Variants in IFT74 observed in about 807,000 individuals in gnomAD.
The protein encoded by IFT74 is intraflagellar transport 74.
IFT74 carries 92 observed loss-of-function variants against 96.7 expected under a neutral mutation model. The observed-to-expected ratio is 0.95, with a 90% confidence interval of 0.80 to 1.13. The LOEUF (loss-of-function observed/expected upper bound fraction) is 1.13, where lower values mean the gene tolerates loss of function less well. Ranked by LOEUF, IFT74 falls within the 50% of genes most tolerant of loss-of-function variation. The probability of loss-of-function intolerance (pLI) is 0.00; values close to 1 mark genes in which losing one functional copy is unlikely to be tolerated. For missense variants in IFT74, 811 were observed against 698.2 expected, an observed-to-expected ratio of 1.16 and a Z score of -1.82; for synonymous variants, 223 against 213.2, an observed-to-expected ratio of 1.05 and a Z score of -0.40.
intron 19 of IFT74, among the ~76,000 whole-genome samples, chr9:27,061,325 A>G (rs1226461004): frequency 6.6e-6 from 1 of 152,242 alleles, no homozygotes; most frequent in Non-Finnish European, 1.5e-5. Context: ...TGTAAGTTAC[A>G]AACTGGACAA....
At chr9:26,960,814 G>A (rs1376958490) in intron 1 of IFT74, among the ~76,000 whole-genome samples, 1 of 151,886 alleles carries the variant, frequency 6.6e-6, no homozygotes, top group Non-Finnish European at 1.5e-5. Context: ...TCCATGTCTC[G>A]CCATGGCTAT....
chr9:27,003,931 G>A (rs1394410355), intron 8 of IFT74, among the ~76,000 whole-genome samples: 3 of 151,264 alleles, frequency 2.0e-5, no homozygotes, highest in Non-Finnish European at 4.5e-5. Flanking sequence ...TCAATGGCTT[G>A]TTTCAGTATT....
intron 16 of IFT74, among the ~76,000 whole-genome samples, chr9:27,054,456 C>T (rs996518956): frequency 1.3e-5 from 2 of 152,140 alleles, no homozygotes; most frequent in African/African-American, 4.8e-5. Flanking sequence ...CCTGCTTCTA[C>T]CTCTAAAATA....
intron 15 of IFT74, among the ~76,000 whole-genome samples, chr9:27,047,932 GA>G (rs199825220): frequency 6.0e-5 from 9 of 151,180 alleles, no homozygotes; most frequent in African/African-American, 1.7e-4. Flanking sequence ...TAAAGGAAAT[GA>G]AAAAAAACCC....
At chr9:27,020,785 C>G (rs1829564638) in intron 12 of IFT74, among the ~76,000 whole-genome samples, 1 of 151,948 alleles carries the variant, frequency 6.6e-6, no homozygotes. Context: ...ATCTTTTTTA[C>G]TTCAGTAGTT....
intron 8 of IFT74, among the ~76,000 whole-genome samples, chr9:27,001,734 G>T (rs940272101): frequency 2.0e-5 from 3 of 151,872 alleles, no homozygotes; most frequent in Non-Finnish European, 4.4e-5. Flanking sequence ...TTTTTAGATG[G>T]GTAGTTTGCA....
chr9:27,036,500 A>C (rs539004912), intron 13 of IFT74: 5 of 1,613,752 alleles, frequency 3.1e-6, no homozygotes, highest in Non-Finnish European at 4.2e-6. Context: ...AGGAAGTTTC[A>C]AAAAGCAAGT....
intron 8 of IFT74, among the ~76,000 whole-genome samples, chr9:26,990,725 A>G (rs886974606): frequency 6.6e-6 from 1 of 152,222 alleles, no homozygotes; most frequent in African/African-American, 2.4e-5. Flanking sequence ...AGTAATGCCT[A>G]CAAAGATAAT....
intron 10 of IFT74, among the ~76,000 whole-genome samples, chr9:27,014,082 G>A (rs769543829): frequency 8.6e-5 from 13 of 152,018 alleles, no homozygotes; most frequent in Non-Finnish European, 1.9e-4. Context: ...GGGCATGGTG[G>A]CAAGCACCTG....
At chr9:27,000,413 A>G (rs920018130) in intron 8 of IFT74, among the ~76,000 whole-genome samples, 18 of 152,126 alleles carry the variant, frequency 1.2e-4, no homozygotes, top group South Asian at 1.0e-3. Flanking sequence ...GGCATTATCT[A>G]TTGGCATTAT....
intron 18 of IFT74, among the ~76,000 whole-genome samples, chr9:27,057,083 A>T (rs1820199947): frequency 6.6e-6 from 1 of 152,156 alleles, no homozygotes; most frequent in South Asian, 2.1e-4. Flanking sequence ...TAATAGCTTA[A>T]TGATATTCTA....
intron 2 of IFT74, among the ~76,000 whole-genome samples, chr9:26,970,972 A>G (rs914571858): frequency 5.9e-5 from 9 of 152,208 alleles, no homozygotes; most frequent in African/African-American, 2.2e-4. Flanking sequence ...GCCAAGGGAT[A>G]TGGTATTCCC....
intron 18 of IFT74, among the ~76,000 whole-genome samples, chr9:27,057,528 T>C (rs1264593588): frequency 6.6e-6 from 1 of 152,164 alleles, no homozygotes; most frequent in African/African-American, 2.4e-5. Context: ...TATTAGAAAT[T>C]TGCACACATG....
At chr9:27,047,710 A>AG (rs1564001070) in intron 15 of IFT74, among the ~76,000 whole-genome samples, 1 of 152,218 alleles carries the variant, frequency 6.6e-6, no homozygotes, top group Non-Finnish European at 1.5e-5. Flanking sequence ...TTCAAAATCT[A>AG]GACATGTTAG....
At chr9:26,981,584 TTG>T (rs1326005040) in intron 4 of IFT74, among the ~76,000 whole-genome samples, 1 of 151,894 alleles carries the variant, frequency 6.6e-6, no homozygotes, top group African/African-American at 2.4e-5. Flanking sequence ...CCACCTAATT[TTG>T]TGTGTGTGTT....
At chr9:27,035,304 T>G (rs972923278) in intron 13 of IFT74, among the ~76,000 whole-genome samples, 1 of 152,272 alleles carries the variant, frequency 6.6e-6, no homozygotes, top group Non-Finnish European at 1.5e-5. Context: ...TGGTTTATCT[T>G]CTGGTATCTG....
rs1263373153 is a variant in IFT74 at position 27,055,546 on chromosome 9, C to G, written c.1334-63C>G. Reference sequence around the variant, plus strand: ...AACATGATTTTTAATAGTTGCATTACATTTCCTTATGTGAAAGGAATAAAA... The same window carrying G: ...AACATGATTTTTAATAGTTGCATTAGATTTCCTTATGTGAAAGGAATAAAA... On this transcript the variant is annotated intron_variant, in intron 16 of 19. Transcript: ENST00000380062. The G allele has an allele frequency of 3.6e-6, 4 of 1,096,662 alleles. No individual in the cohort carries two copies. In the African/African-American group the frequency reaches 5.0e-5, roughly 14 times the overall value. The allele number at this position is 1,096,662 out of a possible 1,614,324, so 67.9% of individuals were successfully genotyped here.
At chr9:26,947,661 A>G (rs895628070) in intron 1 of IFT74, among the ~76,000 whole-genome samples, 2 of 152,150 alleles carry the variant, frequency 1.3e-5, no homozygotes, top group Non-Finnish European at 2.9e-5. Context: ...GGTTTTTGCA[A>G]GTTAACCTTG....
intron 8 of IFT74, among the ~76,000 whole-genome samples, chr9:26,999,013 A>ATCAG (rs1174313198): frequency 3.9e-5 from 6 of 152,180 alleles, no homozygotes; most frequent in Admixed American, 3.9e-4. Context: ...CAATCAATCA[A>ATCAG]TCAGTCTGAA....
Sources: gnomAD v4.1 joint callset for allele counts (sites outside exome capture counted in the v4.1 genomes callset) on GRCh38, gnomAD v4.1.1 for gene constraint, MANE v1.5 for transcripts, NCBI Gene and HGNC (gene_info 2026-07-23, HGNC 2026-07-21) for gene names.